Variants in LRP6 observed in about 807,000 individuals in gnomAD.
LRP6 encodes LDL receptor related protein 6.
In LRP6, 43 loss-of-function variants were observed where a neutral mutation model predicts 184.1. That is an observed-to-expected ratio of 0.23 (90% CI 0.18 to 0.30). LRP6 has a LOEUF of 0.30. LRP6 is among the 10% of genes least tolerant of loss of function. The pLI is 1.00. For missense variants in LRP6, 1,571 were observed against 2,005.3 expected (o/e 0.78, Z 4.14); for synonymous variants, 719 against 684.9 (o/e 1.05, Z -0.78).
At chr12:12,199,303 G>A (rs866618792) in intron 3 of LRP6, among the ~76,000 whole-genome samples, 6 of 151,950 alleles carry the variant, frequency 3.9e-5, no homozygotes, top group South Asian at 2.1e-4. Flanking sequence ...CTGTCAACTA[G>A]GCAATAAAAC....
At chr12:12,193,931 A>C (rs1037345319) in intron 3 of LRP6, among the ~76,000 whole-genome samples, 4 of 152,124 alleles carry the variant, frequency 2.6e-5, no homozygotes, top group African/African-American at 9.6e-5. Context: ...TATTAAAGAC[A>C]TAAAAATCCT....
intron 5 of LRP6, 150 bp from the exon 6 acceptor site, chr12:12,181,589 A>AAG (rs1210845481): frequency 4.6e-6 from 3 of 655,150 alleles, no homozygotes; most frequent in Non-Finnish European, 8.1e-6. Context: ...TGGAAATGGA[A>AAG]AGTAATACAG....
intron 7 of LRP6, among the ~76,000 whole-genome samples, chr12:12,175,412 G>A (rs1005601518): frequency 3.4e-5 from 5 of 147,116 alleles, no homozygotes; most frequent in African/African-American, 1.3e-4. Flanking sequence ...AAAAAAGGCC[G>A]GGCACAGTAG....
intron 2 of LRP6, among the ~76,000 whole-genome samples, chr12:12,234,758 G>C (rs1450326175): frequency 6.6e-6 from 1 of 151,644 alleles, no homozygotes; most frequent in Non-Finnish European, 1.5e-5. Flanking sequence ...TTGAACCCAG[G>C]ATGCAGAGGT....
chr12:12,261,215 T>A (rs1373898084), intron 1 of LRP6, among the ~76,000 whole-genome samples: 1 of 151,958 alleles, frequency 6.6e-6, no homozygotes, highest in East Asian at 1.9e-4. Flanking sequence ...GATCAGGAGA[T>A]CGAGACCATC....
At chr12:12,207,863 T>G (rs1318304424) in intron 2 of LRP6, among the ~76,000 whole-genome samples, 1 of 152,106 alleles carries the variant, frequency 6.6e-6, no homozygotes, top group East Asian at 1.9e-4. Flanking sequence ...CTTGCTGGTG[T>G]TCAGGAACAA....
At chr12:12,168,989 G>C (rs1300230591) in intron 7 of LRP6, among the ~76,000 whole-genome samples, 1 of 152,124 alleles carries the variant, frequency 6.6e-6, no homozygotes, top group Non-Finnish European at 1.5e-5. Flanking sequence ...AGCACTTTGG[G>C]AGGCCAAGGC....
In LRP6 at chr12:12,244,414, C is replaced by T. The variant is rs1865136123; in HGVS notation, c.297G>A (p.Gly99=). The T allele has an allele frequency of 3.7e-6, 6 of 1,614,176 alleles. No homozygotes were observed. Among genetic ancestry groups the T allele is most frequent in the South Asian group, 2.2e-5 (2 of 91,082 alleles). ...VVVSGLLSPD[G]LACDWLGEKL... is the part of the protein sequence containing the mutation. Reference sequence around the variant, plus strand: ...TTTCTCCAAGCCAATCACATGCCAGCCCATCGGGGGACAATAATCCAGAAA... The same window carrying T: ...TTTCTCCAAGCCAATCACATGCCAGTCCATCGGGGGACAATAATCCAGAAA... Residue 99 remains glycine, a synonymous_variant, in exon 2 of 23, where the codon GGG becomes GGA. Transcript: ENST00000261349.
intron 3 of LRP6, among the ~76,000 whole-genome samples, chr12:12,188,388 A>C (rs1164398504): frequency 6.6e-6 from 1 of 152,070 alleles, no homozygotes; most frequent in Non-Finnish European, 1.5e-5. Context: ...GGGAAAGAAA[A>C]ATGAAGGGAA....
chr12:12,212,655 T>A (rs1301176990), intron 2 of LRP6, among the ~76,000 whole-genome samples: 1 of 152,196 alleles, frequency 6.6e-6, no homozygotes, highest in Non-Finnish European at 1.5e-5. Context: ...TTGCAACTAG[T>A]TTGTCTCAGA....
chr12:12,224,760 A>G (rs1481365452), intron 2 of LRP6, among the ~76,000 whole-genome samples: 1 of 152,242 alleles, frequency 6.6e-6, no homozygotes, highest in African/African-American at 2.4e-5. Flanking sequence ...TCCACTGAAC[A>G]GTATCAGCTT....
chr12:12,244,224 G>C, intron 2 of LRP6, 38 bp downstream of exon 2: 1 of 1,610,434 alleles, frequency 6.2e-7, no homozygotes, highest in South Asian at 1.1e-5. Context: ...AAACCGAAAG[G>C]AGGTATGATG....
chr12:12,166,814 G>A (rs909760435), intron 7 of LRP6, among the ~76,000 whole-genome samples: 6 of 152,202 alleles, frequency 3.9e-5, no homozygotes, highest in Non-Finnish European at 8.8e-5. Flanking sequence ...TTAGGAAAAT[G>A]AGGCTGGGTA....
intron 1 of LRP6, among the ~76,000 whole-genome samples, chr12:12,253,179 A>G (rs1157500767): frequency 6.6e-6 from 1 of 152,160 alleles, no homozygotes; most frequent in Non-Finnish European, 1.5e-5. Flanking sequence ...CAGGAGAATC[A>G]CTGGAACCCA....
intron 1 of LRP6, among the ~76,000 whole-genome samples, chr12:12,247,128 C>T (rs1865207763): frequency 6.6e-6 from 1 of 152,196 alleles, no homozygotes; most frequent in African/African-American, 2.4e-5. Context: ...ACAGAGCCCA[C>T]TATACTGAGT....
intron 15 of LRP6, among the ~76,000 whole-genome samples, chr12:12,142,504 G>C (rs1305297718): frequency 4.0e-5 from 6 of 151,750 alleles, no homozygotes; most frequent in Non-Finnish European, 7.4e-5. Context: ...ATACGAAATA[G>C]AAAAAGGTCC....
At chr12:12,171,356 A>C (rs985727970) in intron 7 of LRP6, among the ~76,000 whole-genome samples, 1 of 151,868 alleles carries the variant, frequency 6.6e-6, no homozygotes, top group Non-Finnish European at 1.5e-5. Flanking sequence ...CTCTACTAAA[A>C]ACACACACAC....
intron 2 of LRP6, 97 bp from the exon 3 acceptor site, chr12:12,203,497 T>G: frequency 1.1e-6 from 1 of 946,858 alleles, no homozygotes; most frequent in African/African-American, 1.6e-5. Flanking sequence ...CCGCGCGCAG[T>G]GGCTCACACT....
chr12:12,191,422 C>A (rs895417161), intron 3 of LRP6, among the ~76,000 whole-genome samples: 2 of 152,166 alleles, frequency 1.3e-5, no homozygotes, highest in African/African-American at 2.4e-5. Flanking sequence ...AACACATATA[C>A]ATAGACATGA....
Sources: allele counts gnomAD v4.1 joint callset (sites outside exome capture counted in the v4.1 genomes callset), GRCh38; gene constraint gnomAD v4.1.1; transcripts MANE v1.5; gene names NCBI Gene and HGNC (gene_info 2026-07-23, HGNC 2026-07-21).